The following DLGAP1 variants were observed in gnomAD, a reference collection of about 807,000 sequenced individuals.
The protein encoded by DLGAP1 is disks large-associated protein 1.
Under a neutral mutation model 90.8 loss-of-function variants are expected in DLGAP1, and 11 were observed. The observed-to-expected ratio is 0.12, with a 90% confidence interval of 0.08 to 0.20. The LOEUF is 0.20. Ranked by LOEUF, DLGAP1 falls within the 10% of genes least tolerant of loss-of-function variation. The pLI is 1.00. For synonymous variants in DLGAP1, 558 were observed against 540.7 expected, an observed-to-expected ratio of 1.03 and a Z score of -0.44; for missense variants, 1,050 against 1,333.8, an observed-to-expected ratio of 0.79 and a Z score of 3.31.
intron 3 of DLGAP1, among the ~76,000 whole-genome samples, chr18:3,981,500 G>A (rs2073728420): frequency 6.6e-6 from 1 of 152,206 alleles, no homozygotes; most frequent in Non-Finnish European, 1.5e-5. Flanking sequence ...AAGATTTAAG[G>A]ATCTTAGAGG....
At chr18:4,260,214 A>T (rs2032637398) in intron 1 of DLGAP1, among the ~76,000 whole-genome samples, 1 of 152,220 alleles carries the variant, frequency 6.6e-6, no homozygotes, top group South Asian at 2.1e-4. Context: ...AGGCACAATG[A>T]CATGTTAAAG....
chr18:3,685,363 A>G (rs1220032052), intron 7 of DLGAP1, among the ~76,000 whole-genome samples: 1 of 152,004 alleles, frequency 6.6e-6, no homozygotes, highest in Non-Finnish European at 1.5e-5. Flanking sequence ...GGAGATCGAG[A>G]CCATCCTGGC....
At chr18:4,095,027 A>G (rs1235608822) in intron 2 of DLGAP1, among the ~76,000 whole-genome samples, 3 of 152,214 alleles carry the variant, frequency 2.0e-5, no homozygotes, top group Non-Finnish European at 4.4e-5. Flanking sequence ...TTCAGTCAGC[A>G]GTATCACCTT....
At chr18:3,762,419 A>G (rs1266899039) in intron 5 of DLGAP1, among the ~76,000 whole-genome samples, 1 of 152,264 alleles carries the variant, frequency 6.6e-6, no homozygotes. Flanking sequence ...TTTGAGCTGA[A>G]TACAATGTGT....
intron 1 of DLGAP1, among the ~76,000 whole-genome samples, chr18:4,292,674 G>A (rs1598831216): frequency 6.6e-6 from 1 of 152,150 alleles, no homozygotes; most frequent in African/African-American, 2.4e-5. Flanking sequence ...TGGCTTGAAG[G>A]TTAAATACAT....
intron 1 of DLGAP1, among the ~76,000 whole-genome samples, chr18:4,304,026 T>C (rs1477195538): frequency 2.0e-5 from 3 of 152,256 alleles, no homozygotes; most frequent in African/African-American, 7.2e-5. Context: ...ATTGAGGACA[T>C]ATGCTTTCCC....
intron 3 of DLGAP1, among the ~76,000 whole-genome samples, chr18:3,951,344 T>C (rs756655026): frequency 3.9e-5 from 6 of 152,204 alleles, no homozygotes; most frequent in Non-Finnish European, 7.4e-5. Context: ...ATCTTCTAAT[T>C]CTTAAATGGT....
At chr18:4,134,693 A>C (rs531335082) in intron 2 of DLGAP1, among the ~76,000 whole-genome samples, 1 of 152,190 alleles carries the variant, frequency 6.6e-6, no homozygotes, top group East Asian at 1.9e-4. Flanking sequence ...TGCCCAGTTA[A>C]ACCCCACAAT....
At position 3,804,173 on chromosome 18, in the gene DLGAP1, T is replaced by C. The variant is rs891803986; in HGVS notation, c.1172+9886A>G. On this transcript the variant is annotated intron_variant, in intron 5 of 12. Coordinates refer to ENST00000315677, the MANE Select transcript of DLGAP1 (RefSeq NM_004746.4). ...CTAATGTTTGTATTTTTAGTAGAAATGGGGTTTTGCCATATTGGTCAGGCT... is the reference window on the plus strand; with the variant it reads ...CTAATGTTTGTATTTTTAGTAGAAACGGGGTTTTGCCATATTGGTCAGGCT... 1.3e-5 allele frequency among the ~76,000 whole-genome samples: 2 copies of C among 151,868 alleles called. 1 individual carries two copies. Among genetic ancestry groups the C allele is most frequent in the Admixed American group, 1.3e-4 (2 of 15,250 alleles).
chr18:3,848,657 G>A (rs548513063), intron 4 of DLGAP1, among the ~76,000 whole-genome samples: 8 of 152,122 alleles, frequency 5.3e-5, no homozygotes, highest in African/African-American at 1.7e-4. Flanking sequence ...TTCTACGCAG[G>A]TCAGAAACCT....
At chr18:4,119,443 G>T (rs1233131914) in intron 2 of DLGAP1, among the ~76,000 whole-genome samples, 1 of 152,126 alleles carries the variant, frequency 6.6e-6, no homozygotes, top group Non-Finnish European at 1.5e-5. Flanking sequence ...TGCACTGCAG[G>T]ACAGAGCAAA....
chr18:3,530,867 A>G (rs1230983528), intron 10 of DLGAP1, among the ~76,000 whole-genome samples: 1 of 152,184 alleles, frequency 6.6e-6, no homozygotes, highest in African/African-American at 2.4e-5. Flanking sequence ...GTTTTACAGA[A>G]ACCCGTTAAT....
intron 7 of DLGAP1, among the ~76,000 whole-genome samples, chr18:3,628,012 G>A (rs1470311084): frequency 6.6e-6 from 1 of 151,144 alleles, no homozygotes; most frequent in Non-Finnish European, 1.5e-5. Context: ...CCGAGTAGCT[G>A]GGATTACAGG....
intron 1 of DLGAP1, among the ~76,000 whole-genome samples, chr18:4,219,234 T>C (rs1251540289): frequency 6.6e-6 from 1 of 151,952 alleles, no homozygotes; most frequent in Non-Finnish European, 1.5e-5. Flanking sequence ...ATTAGGATAA[T>C]AAACATTTTT....
intron 1 of DLGAP1, among the ~76,000 whole-genome samples, chr18:4,171,014 T>G (rs1286257501): frequency 6.6e-6 from 1 of 152,172 alleles, no homozygotes; most frequent in South Asian, 2.1e-4. Flanking sequence ...TATGCGCTCA[T>G]ATATGTGTGT....
At chr18:4,425,009 A>C (rs1208827752) in intron 1 of DLGAP1, among the ~76,000 whole-genome samples, 3 of 135,662 alleles carry the variant, frequency 2.2e-5, no homozygotes, top group African/African-American at 8.4e-5. Flanking sequence ...GTATATACAA[A>C]AATCTTTGCA....
In DLGAP1 at chr18:4,102,849, G is replaced by A. The variant is rs529036819; in HGVS notation, c.-159+48331C>T. On this transcript the variant is annotated intron_variant, in intron 2 of 12. Transcript: ENST00000315677. ...TGTTTATTCCTGTGCCAACATTAGT[G>A]TTTTAATTTCTTTAACTTTATTCTT... Among the ~76,000 whole-genome samples the A allele has an allele frequency of 2.0e-5, 3 of 152,256 alleles. No individual in the cohort carries two copies. In the South Asian group the frequency reaches 6.2e-4, roughly 32 times the overall value.
intron 5 of DLGAP1, among the ~76,000 whole-genome samples, chr18:3,800,036 C>A (rs2066213556): frequency 6.6e-6 from 1 of 152,142 alleles, no homozygotes; most frequent in Non-Finnish European, 1.5e-5. Flanking sequence ...GATTGTTCTT[C>A]CCATGGTAGA....
chr18:3,516,103 C>T (rs181019638), intron 10 of DLGAP1, among the ~76,000 whole-genome samples: 3 of 152,264 alleles, frequency 2.0e-5, no homozygotes, highest in Non-Finnish European at 4.4e-5. Flanking sequence ...CAGTCATCCA[C>T]GAAGGTTGGA....
Sources: allele counts gnomAD v4.1 joint callset (sites outside exome capture counted in the v4.1 genomes callset), GRCh38; gene constraint gnomAD v4.1.1; transcripts MANE v1.5; gene names NCBI Gene and HGNC (gene_info 2026-07-23, HGNC 2026-07-21).